Variants in KTN1 observed in about 807,000 individuals in gnomAD.
KTN1 encodes kinectin.
In KTN1, 130 loss-of-function variants were observed where a neutral mutation model predicts 222.5. The observed-to-expected ratio is 0.58, with a 90% confidence interval of 0.51 to 0.68. The LOEUF is 0.68. KTN1 is among the 30% of genes least tolerant of loss of function. KTN1 has a pLI of 0.00. For synonymous variants in KTN1, 512 were observed against 496.3 expected (o/e 1.03, Z -0.42); for missense variants, 1,508 against 1,500.4 (o/e 1.01, Z -0.08).
At chr14:55,581,577 C>T (rs1482257633) in intron 1 of KTN1, among the ~76,000 whole-genome samples, 1 of 152,176 alleles carries the variant, frequency 6.6e-6, no homozygotes, top group African/African-American at 2.4e-5. Flanking sequence ...AATGTAGACA[C>T]TCATGGCCAG....
intron 40 of KTN1, 144 bp from the exon 41 acceptor site, chr14:55,675,691 C>CTA: frequency 1.9e-6 from 1 of 535,784 alleles, no homozygotes; most frequent in Non-Finnish European, 3.3e-6. Context: ...CTTAGCCTTT[C>CTA]TATACATCTG....
chr14:55,586,433 A>G (rs1192621190), intron 1 of KTN1, among the ~76,000 whole-genome samples: 1 of 152,168 alleles, frequency 6.6e-6, no homozygotes, highest in African/African-American at 2.4e-5. Context: ...ATATCATATC[A>G]TATTTAATCT....
At chr14:55,634,397 T>C in intron 8 of KTN1, 129 bp from the exon 9 acceptor site, 1 of 654,826 alleles carries the variant, frequency 1.5e-6, no homozygotes, top group Non-Finnish European at 2.5e-6. Flanking sequence ...TAGTCACTTG[T>C]GTTCTGTTTC....
At chr14:55,640,811 C>A in intron 15 of KTN1, 122 bp from the exon 16 acceptor site, 2 of 744,308 alleles carry the variant, frequency 2.7e-6, no homozygotes, top group South Asian at 1.8e-5. Flanking sequence ...CAGAAATATA[C>A]AGTATTGCTG....
intron 2 of KTN1, among the ~76,000 whole-genome samples, chr14:55,613,575 C>T (rs1357527716): frequency 6.7e-6 from 1 of 148,502 alleles, no homozygotes; most frequent in South Asian, 2.1e-4. Context: ...CTCAGTGTGT[C>T]CTCTGCTGCC....
At position 55,649,800 on chromosome 14, in the gene KTN1, G is replaced by A. The variant is rs1425690762; in HGVS notation, c.2392G>A (p.Glu798Lys). 2 of 1,522,032 alleles carry A rather than the reference G, an allele frequency of 1.3e-6. No homozygotes were observed. The highest frequency in any genetic ancestry group is 1.8e-5 in the Admixed American group (1 of 54,532). 94.3% of individuals were successfully genotyped at this position (1,522,032 alleles called of 1,614,324 possible). A position where few individuals can be genotyped will look rare whatever the true frequency, so the allele number is the denominator to read the frequency against. Reference sequence around the variant, plus strand: ...GGTTTCTTTTGCCTCTCTAGTTGAAGAACTTAAGAAAGTGTAAGTGATAAC... The same window carrying A: ...GGTTTCTTTTGCCTCTCTAGTTGAAAAACTTAAGAAAGTGTAAGTGATAAC... ...DQVSFASLVE[E>K]LKKVIHEKDG... The change falls in exon 22 of 44, where the codon GAA (glutamate) becomes AAA (lysine). Residue 798 changes from glutamate to lysine, a missense_variant. Transcript: ENST00000395314.
rs1341494915 is a variant in KTN1, at chr14:55,582,495, T to C, written c.-31+2141T>C. Among the ~76,000 whole-genome samples, 3 of 152,206 alleles carry C rather than the reference T, an allele frequency of 2.0e-5. No individual in the cohort carries two copies. In the East Asian group the frequency reaches 5.8e-4, roughly 29 times the overall value. ...AGTTCTTAACTTGAATGTTAAGTTATGGTTAAAAGTTCTTAATCAGCCTGT... is the reference window on the plus strand; with the variant it reads ...AGTTCTTAACTTGAATGTTAAGTTACGGTTAAAAGTTCTTAATCAGCCTGT... On this transcript the variant is annotated intron_variant, in intron 1 of 43. Coordinates refer to ENST00000395314, the MANE Select transcript of KTN1 (RefSeq NM_001079521.2).
chr14:55,683,779 C>G, intron 43 of KTN1: 1 of 261,404 alleles, frequency 3.8e-6, no homozygotes, highest in Non-Finnish European at 7.2e-6. Flanking sequence ...TATTCAACCC[C>G]TTTTCAGTGC....
At chr14:55,609,688 G>A (rs1053717034) in intron 1 of KTN1, among the ~76,000 whole-genome samples, 2 of 151,860 alleles carry the variant, frequency 1.3e-5, no homozygotes, top group African/African-American at 4.8e-5. Context: ...GTTTGTACAG[G>A]GCTGCAGCTT....
intron 9 of KTN1, 128 bp downstream of exon 9, chr14:55,634,786 G>T (rs900557941): frequency 8.7e-6 from 6 of 691,124 alleles, no homozygotes; most frequent in African/African-American, 7.4e-5. Context: ...ATTGACTCAC[G>T]GTTCAACATG....
At chr14:55,644,912 A>G (rs1022149806) in intron 18 of KTN1, among the ~76,000 whole-genome samples, 2 of 152,124 alleles carry the variant, frequency 1.3e-5, no homozygotes, top group East Asian at 3.8e-4. Context: ...CTAAACTGGA[A>G]CTTCATTAAA....
At chr14:55,668,920 C>T (rs1322209524) in intron 34 of KTN1, 1 of 151,980 alleles carries the variant, frequency 6.6e-6, no homozygotes, top group Non-Finnish European at 1.5e-5. Flanking sequence ...GGATATGTTC[C>T]GATCTGATCA....
intron 1 of KTN1, chr14:55,601,658 A>G (rs2035986253): frequency 6.6e-6 from 1 of 152,218 alleles, no homozygotes; most frequent in African/African-American, 2.4e-5. Context: ...TTCTTACTGC[A>G]AATGGAATAT....
chr14:55,669,482 A>G lies in KTN1; in HGVS notation c.3268-1247A>G, dbSNP rs183700297. Among the ~76,000 whole-genome samples, 244 of 152,088 alleles carry G rather than the reference A, an allele frequency of 1.6e-3. 2 individuals carry two copies. Among genetic ancestry groups the G allele is most frequent in the African/African-American group, 5.6e-3 (232 of 41,562 alleles). ...ATTTATGTTATAAAATAATAAAGCA[A>G]TAAGCTTCATTAATATTAAGATAAG... On this transcript the variant is annotated intron_variant, in intron 34 of 43. Coordinates refer to ENST00000395314, the MANE Select transcript of KTN1 (RefSeq NM_001079521.2).
chr14:55,641,946 C>T (rs1201926073), intron 18 of KTN1, among the ~76,000 whole-genome samples, 186 bp downstream of exon 18: 1 of 152,120 alleles, frequency 6.6e-6, no homozygotes, highest in African/African-American at 2.4e-5. Flanking sequence ...AAGCTAATGC[C>T]AATCTGCTCA....
chr14:55,627,988 A>G lies in KTN1; in HGVS notation c.1040A>G (p.Asp347Gly). The stretch of plus-strand genomic sequence containing the variant: ...AAGTTACTCGCTGCTGTGAAGGAAG[A>G]TGCTGCTGCTACAAAGGATCGGTGT... ...KDKLLAAVKE[D>G]AAATKDRCKQ... The change falls in exon 6 of 44, where the codon GAT becomes GGT. Residue 347 changes from aspartate to glycine, a missense_variant. By Grantham distance (94) the Asp-to-Gly change is moderately conservative. Transcript: ENST00000395314. 1 of 1,613,836 alleles carries G rather than the reference A, an allele frequency of 6.2e-7. No individual in the cohort carries two copies. Among genetic ancestry groups the G allele is most frequent in the Non-Finnish European group, 8.5e-7 (1 of 1,179,712 alleles).
rs150491077 is a variant in KTN1, at chr14:55,610,905, C to G, written c.-30-1114C>G. 6.7e-3 allele frequency among the ~76,000 whole-genome samples: 1,022 copies of G among 152,344 alleles called. 7 individuals are homozygous for G. The highest frequency in any genetic ancestry group is 0.024 in the Middle Eastern group (7 of 294). ...ACATCGCCACCCGCCCCCTTCCCGC[C>G]CCGGGCGTACTTACTGAGTCCATCT... On this transcript the variant is annotated intron_variant, in intron 1 of 43. Coordinates refer to ENST00000395314, the MANE Select transcript of KTN1 (RefSeq NM_001079521.2).
In KTN1 at chr14:55,652,386, T is replaced by C. The variant is rs887302308; in HGVS notation, c.2603+459T>C. Among the ~76,000 whole-genome samples, 10 of 151,082 alleles carry C rather than the reference T, an allele frequency of 6.6e-5. No individual in the cohort carries two copies. In the South Asian group the frequency reaches 2.1e-3, roughly 32 times the overall value. On this transcript the variant is annotated intron_variant, in intron 25 of 43. Transcript: ENST00000395314. The stretch of plus-strand genomic sequence containing the variant: ...CCTGATTTGATTGTCTCCAAAATCT[T>C]AAATGCCTTTTTTTTTTTTTTTTTT...
chr14:55,659,666 G>A lies in KTN1; in HGVS notation c.2962G>A (p.Ala988Thr). Residue 988 changes from alanine (A) to threonine (T), a missense_variant and splice_region_variant, in exon 31 of 44, where the codon GCA becomes ACA. Ala to Thr is a moderately conservative substitution (Grantham distance 58). Transcript: ENST00000395314. ...EQLKQQNYQQASSFPPHEELL... is the reference protein window; with the variant it reads ...EQLKQQNYQQTSSFPPHEELL... ...AAATAACATTTAACTCTTTTGATAG[G>A]CATCTTCTTTTCCCCCTCATGAAGA... 2 of 1,494,972 alleles carry A rather than the reference G, an allele frequency of 1.3e-6. No individual in the cohort carries two copies. Among genetic ancestry groups the A allele is most frequent in the Non-Finnish European group, 1.9e-6 (2 of 1,073,626 alleles). The allele number at this position is 1,494,972 out of a possible 1,614,324, so 92.6% of individuals were successfully genotyped here.
Sources: gnomAD v4.1 joint callset for allele counts (sites outside exome capture counted in the v4.1 genomes callset) on GRCh38, gnomAD v4.1.1 for gene constraint, MANE v1.5 for transcripts, NCBI Gene and HGNC (gene_info 2026-07-23, HGNC 2026-07-21) for gene names.